Variants in MAST2 observed in about 807,000 individuals in gnomAD.
The protein encoded by MAST2 is microtubule-associated serine/threonine-protein kinase 2.
A neutral mutation model predicts 147.4 loss-of-function variants in MAST2; 70 were observed. The ratio of observed to expected loss-of-function variants is 0.47; its 90% CI spans 0.39 to 0.58. MAST2 has a LOEUF of 0.58. Ranked by LOEUF, MAST2 falls within the 20% of genes least tolerant of loss-of-function variation. The pLI, the probability that MAST2 is intolerant of heterozygous loss-of-function variation, is 0.00. For synonymous variants in MAST2, 869 were observed against 896.8 expected, an observed-to-expected ratio of 0.97 and a Z score of 0.55; for missense variants, 2,080 against 2,302.3, an observed-to-expected ratio of 0.90 and a Z score of 1.98.
At chr1:45,944,196 A>G (rs1657718318) in intron 4 of MAST2, among the ~76,000 whole-genome samples, 1 of 152,234 alleles carries the variant, frequency 6.6e-6, no homozygotes, top group South Asian at 2.1e-4. Flanking sequence ...TACCTAGGTA[A>G]TATCACTTCC....
chr1:45,953,906 T>C, intron 4 of MAST2, among the ~76,000 whole-genome samples: 1 of 152,284 alleles, frequency 6.6e-6, no homozygotes, highest in East Asian at 1.9e-4. Context: ...AATATCTCCC[T>C]TTATTGGGGA....
At chr1:45,998,877 G>A (rs889436244) in intron 6 of MAST2, among the ~76,000 whole-genome samples, 2 of 151,946 alleles carry the variant, frequency 1.3e-5, no homozygotes, top group Admixed American at 6.6e-5. Flanking sequence ...ACAGGCGCCC[G>A]CCATCATTCC....
intron 1 of MAST2, among the ~76,000 whole-genome samples, chr1:45,806,346 C>CT (rs987614958): frequency 1.3e-5 from 2 of 152,174 alleles, no homozygotes; most frequent in East Asian, 1.9e-4. Flanking sequence ...AGAAACAGTT[C>CT]TTTTTCATTG....
intron 1 of MAST2, among the ~76,000 whole-genome samples, chr1:45,812,368 CAG>C (rs1644329083): frequency 6.7e-6 from 1 of 150,322 alleles, no homozygotes; most frequent in African/African-American, 2.4e-5. Context: ...CATGTGATTA[CAG>C]AGTTTTCCCA....
rs1220106607 is a variant in MAST2 at position 45,873,491 on chromosome 1, C to T, written c.469-8873C>T. Among the ~76,000 whole-genome samples the T allele has an allele frequency of 2.6e-5, 4 of 151,832 alleles. No individual in the cohort carries two copies. In the East Asian group the frequency reaches 7.8e-4, roughly 30 times the overall value. On this transcript the variant is annotated intron_variant, in intron 3 of 28. Coordinates refer to ENST00000361297, the MANE Select transcript of MAST2 (RefSeq NM_015112.3). Reference sequence around the variant, plus strand: ...GGGATTACAGGTGTGAGCCACCACACCTGGTCAATTTCTTATTATTAATCC... The same window carrying T: ...GGGATTACAGGTGTGAGCCACCACATCTGGTCAATTTCTTATTATTAATCC...
chr1:45,970,198 C>T lies in MAST2; in HGVS notation c.592+10721C>T, dbSNP rs534462986. 4.6e-5 allele frequency among the ~76,000 whole-genome samples: 7 copies of T among 152,308 alleles called. No individual in the cohort carries two copies. The South Asian group carries it at 6.2e-4, about 14-fold the overall frequency. On this transcript the variant is annotated intron_variant, in intron 5 of 28. Coordinates refer to ENST00000361297, the MANE Select transcript of MAST2 (RefSeq NM_015112.3). ...TTTCTTCAGTAATCACTGTGAGGAT[C>T]CAGTAAGGCTCCTTTGGATAAAACT... is the stretch of plus-strand genomic sequence containing the variant.
At chr1:45,907,298 A>G (rs1316386424) in intron 4 of MAST2, among the ~76,000 whole-genome samples, 1 of 152,140 alleles carries the variant, frequency 6.6e-6, no homozygotes, top group Non-Finnish European at 1.5e-5. Context: ...CATTCTGTCC[A>G]AGAAATCTGT....
chr1:45,965,718 T>G (rs1302633422), intron 5 of MAST2, among the ~76,000 whole-genome samples: 1 of 152,056 alleles, frequency 6.6e-6, no homozygotes, highest in African/African-American at 2.4e-5. Flanking sequence ...ACTCCCTACC[T>G]TATTTTTTTT....
chr1:45,992,504 C>A (rs191981834), intron 5 of MAST2, among the ~76,000 whole-genome samples: 1 of 152,004 alleles, frequency 6.6e-6, no homozygotes, highest in Admixed American at 6.6e-5. Context: ...TTTTTTCTTA[C>A]AATATCTTTA....
chr1:46,011,651 C>G (rs1398437033), intron 10 of MAST2, among the ~76,000 whole-genome samples: 1 of 152,166 alleles, frequency 6.6e-6, no homozygotes, highest in Non-Finnish European at 1.5e-5. Context: ...TATGCCTGTC[C>G]CCGCAGAGCT....
intron 5 of MAST2, among the ~76,000 whole-genome samples, chr1:45,981,011 A>T (rs1395919633): frequency 6.6e-6 from 1 of 152,152 alleles, no homozygotes; most frequent in African/African-American, 2.4e-5. Context: ...AGGAGACTGG[A>T]GTTTTATTAC....
intron 3 of MAST2, chr1:45,865,271 T>C (rs1646107606): frequency 3.0e-6 from 1 of 336,984 alleles, no homozygotes; most frequent in African/African-American, 2.1e-5. Context: ...TAAGTTCCTC[T>C]TTATTCTTTG....
At chr1:45,833,358 G>T (rs1645014058) in intron 3 of MAST2, among the ~76,000 whole-genome samples, 1 of 148,634 alleles carries the variant, frequency 6.7e-6, no homozygotes, top group South Asian at 2.2e-4. Context: ...GGATGGAGGA[G>T]AACTTAGGTG....
intron 4 of MAST2, among the ~76,000 whole-genome samples, chr1:45,908,297 A>T (rs561872886): frequency 1.3e-5 from 2 of 152,312 alleles, no homozygotes; most frequent in Admixed American, 1.3e-4. Context: ...TGCTGCACCC[A>T]TCAACCCATA....
chr1:45,863,294 G>A (rs147717804), intron 3 of MAST2, among the ~76,000 whole-genome samples: 2 of 151,978 alleles, frequency 1.3e-5, no homozygotes, highest in Admixed American at 6.6e-5. Context: ...GACTTTAAAG[G>A]CCTATGACTT....
chr1:45,953,992 T>C (rs951425912), intron 4 of MAST2, among the ~76,000 whole-genome samples: 5 of 152,208 alleles, frequency 3.3e-5, no homozygotes, highest in African/African-American at 9.6e-5. Context: ...TGAAATATTA[T>C]AGCATCTGGA....
rs553804012 is a variant in MAST2, at chr1:45,868,827, C to T, written c.469-13537C>T. 1.3e-4 allele frequency among the ~76,000 whole-genome samples: 20 copies of T among 152,246 alleles called. No individual in the cohort carries two copies. The South Asian group carries it at 4.1e-3, about 32-fold the overall frequency. On this transcript the variant is annotated intron_variant, in intron 3 of 28. Coordinates refer to ENST00000361297, the MANE Select transcript of MAST2 (RefSeq NM_015112.3). Reference sequence around the variant, plus strand: ...TTCTTGAAATTTCATTTTAAAAAGGCTGATGACATGGATAAAAATGTAACC... The same window carrying T: ...TTCTTGAAATTTCATTTTAAAAAGGTTGATGACATGGATAAAAATGTAACC...
intron 4 of MAST2, among the ~76,000 whole-genome samples, chr1:45,907,334 T>A (rs1650926261): frequency 6.6e-6 from 1 of 152,216 alleles, no homozygotes; most frequent in Non-Finnish European, 1.5e-5. Context: ...ATGAAGATTT[T>A]CTCCAATGTT....
chr1:46,018,935 C>CT (rs1424018971), intron 10 of MAST2, among the ~76,000 whole-genome samples: 1 of 152,210 alleles, frequency 6.6e-6, no homozygotes, highest in African/African-American at 2.4e-5. Context: ...CATTCTTTAC[C>CT]TATCACCTAA....
Sources: gnomAD v4.1 joint callset for allele counts (sites outside exome capture counted in the v4.1 genomes callset) on GRCh38, gnomAD v4.1.1 for gene constraint, MANE v1.5 for transcripts, NCBI Gene and HGNC (gene_info 2026-07-23, HGNC 2026-07-21) for gene names.